ROBO2: variants seen among roughly 807,000 people sequenced by gnomAD.
ROBO2 encodes roundabout homolog 2.
ROBO2 carries 53 observed loss-of-function variants against 160.8 expected under a neutral mutation model. The observed-to-expected ratio is 0.33, with a 90% CI of 0.26 to 0.41. The LOEUF (loss-of-function observed/expected upper bound fraction) is 0.41. ROBO2 is among the 10% of genes least tolerant of loss of function. ROBO2 has a pLI of 1.00. For synonymous variants in ROBO2, 664 were observed against 611.7 expected (o/e 1.09, Z -1.26); for missense variants, 1,577 against 1,722.4 (o/e 0.92, Z 1.49).
At chr3:75,998,294 A>G (rs1370642733) in intron 2 of ROBO2, among the ~76,000 whole-genome samples, 1 of 152,180 alleles carries the variant, frequency 6.6e-6, no homozygotes, top group East Asian at 1.9e-4. Flanking sequence ...CCCTAAAGCA[A>G]TTTTTTATTA....
chr3:76,635,259 C>T (rs1243624507), intron 2 of ROBO2, among the ~76,000 whole-genome samples: 2 of 152,176 alleles, frequency 1.3e-5, no homozygotes, highest in East Asian at 3.8e-4. Flanking sequence ...TCTTCAGCTT[C>T]CCTAATTCTG....
rs548522649 is a variant in ROBO2, at chr3:77,612,118, G to A, written c.3293+4164G>A. On this transcript the variant is annotated intron_variant, in intron 21 of 25. Coordinates refer to ENST00000461745, the Ensembl canonical transcript of ROBO2. Reference sequence around the variant, plus strand: ...AAGACAGATAATATGATGCCTCATAGTTCACTGACAATAAGTCAAAGAACA... The same window carrying A: ...AAGACAGATAATATGATGCCTCATAATTCACTGACAATAAGTCAAAGAACA... 2.6e-5 allele frequency among the ~76,000 whole-genome samples: 4 copies of A among 152,286 alleles called. No homozygotes were observed. The East Asian group carries it at 7.7e-4, about 29-fold the overall frequency.
intron 2 of ROBO2, among the ~76,000 whole-genome samples, chr3:77,363,221 A>G (rs1197897999): frequency 6.6e-6 from 1 of 152,190 alleles, no homozygotes; most frequent in East Asian, 1.9e-4. Flanking sequence ...AACTCAATGG[A>G]AAGATCTACC....
At chr3:76,786,682 C>T (rs575319530) in intron 2 of ROBO2, among the ~76,000 whole-genome samples, 1 of 150,814 alleles carries the variant, frequency 6.6e-6, no homozygotes, top group East Asian at 2.0e-4. Flanking sequence ...CATATCAATG[C>T]CTTAGGCAAC....
intron 2 of ROBO2, among the ~76,000 whole-genome samples, chr3:77,324,736 C>T (rs1441774368): frequency 6.8e-6 from 1 of 146,644 alleles, no homozygotes; most frequent in East Asian, 2.1e-4. Context: ...GAGCCGAGAT[C>T]GCGCCACTGC....
At chr3:76,497,086 A>G (rs115047453) in intron 2 of ROBO2, among the ~76,000 whole-genome samples, 22 of 152,332 alleles carry the variant, frequency 1.4e-4, no homozygotes, top group Non-Finnish European at 2.8e-4. Context: ...TCCAGCCACA[A>G]TGAACATTAT....
chr3:76,361,451 A>G (rs969890462), intron 2 of ROBO2, among the ~76,000 whole-genome samples: 1 of 152,112 alleles, frequency 6.6e-6, no homozygotes, highest in Non-Finnish European at 1.5e-5. Context: ...TAGATGTTGA[A>G]ATTTTCATTA....
At chr3:77,051,458 CTTA>C (rs2149695168) in intron 1 of ROBO2, among the ~76,000 whole-genome samples, 1 of 152,258 alleles carries the variant, frequency 6.6e-6, no homozygotes, top group East Asian at 1.9e-4. Flanking sequence ...GCTGGGAATT[CTTA>C]TTACACTTTC....
intron 2 of ROBO2, among the ~76,000 whole-genome samples, chr3:76,625,697 G>C (rs1343038654): frequency 4.6e-5 from 7 of 152,092 alleles, no homozygotes; most frequent in Admixed American, 4.6e-4. Flanking sequence ...CATGTTTGAG[G>C]GACAGCAAAG....
chr3:77,505,868 T>A (rs1405898410), intron 5 of ROBO2, among the ~76,000 whole-genome samples: 1 of 152,164 alleles, frequency 6.6e-6, no homozygotes, highest in African/African-American at 2.4e-5. Flanking sequence ...GACTACTATA[T>A]ACAGTAATTT....
intron 2 of ROBO2, among the ~76,000 whole-genome samples, chr3:76,025,091 A>G (rs887988078): frequency 8.6e-5 from 13 of 151,460 alleles, no homozygotes; most frequent in African/African-American, 3.1e-4. Context: ...TCTGTAGAAA[A>G]AAATAATAAA....
chr3:76,622,706 C>A (rs2089310248), intron 2 of ROBO2, among the ~76,000 whole-genome samples: 1 of 152,110 alleles, frequency 6.6e-6, no homozygotes, highest in Non-Finnish European at 1.5e-5. Flanking sequence ...GTTCTCTTTC[C>A]AAACCTCTGA....
At chr3:76,983,608 A>C (rs1055674274) in intron 2 of ROBO2, among the ~76,000 whole-genome samples, 3 of 152,226 alleles carry the variant, frequency 2.0e-5, no homozygotes, top group Non-Finnish European at 4.4e-5. Flanking sequence ...TACAAGGACA[A>C]GAATACTGTT....
At chr3:77,447,094 A>G (rs887325389) in intron 2 of ROBO2, among the ~76,000 whole-genome samples, 2 of 152,222 alleles carry the variant, frequency 1.3e-5, no homozygotes, top group Admixed American at 1.3e-4. Context: ...TAAAAGGAAA[A>G]CCTACTTATA....
At chr3:77,288,390 T>C (rs1279103030) in intron 2 of ROBO2, among the ~76,000 whole-genome samples, 1 of 152,226 alleles carries the variant, frequency 6.6e-6, no homozygotes, top group Non-Finnish European at 1.5e-5. Flanking sequence ...AGTTTTTGGA[T>C]AGAAAAGTCT....
chr3:75,928,988 T>TGC, intron 1 of ROBO2, among the ~76,000 whole-genome samples: 1 of 149,290 alleles, frequency 6.7e-6, no homozygotes, highest in Non-Finnish European at 1.5e-5. Flanking sequence ...TACGTGTGTG[T>TGC]GTGTGTGTGT....
At chr3:76,204,442 TCA>T (rs1427826734) in intron 2 of ROBO2, among the ~76,000 whole-genome samples, 1 of 152,286 alleles carries the variant, frequency 6.6e-6, no homozygotes, top group East Asian at 1.9e-4. Context: ...TATGATGGAA[TCA>T]CACATACTAT....
At chr3:76,976,832 A>T (rs2059838687) in intron 2 of ROBO2, among the ~76,000 whole-genome samples, 1 of 152,186 alleles carries the variant, frequency 6.6e-6, no homozygotes, top group Non-Finnish European at 1.5e-5. Flanking sequence ...AAACTATGTG[A>T]TCATCTTGAA....
At chr3:76,746,394 C>G (rs1015765541) in intron 2 of ROBO2, among the ~76,000 whole-genome samples, 6 of 152,034 alleles carry the variant, frequency 3.9e-5, no homozygotes, top group African/African-American at 1.2e-4. Context: ...TTCTAGGTCC[C>G]TGAGGAATCT....
Sources: allele counts gnomAD v4.1 joint callset (sites outside exome capture counted in the v4.1 genomes callset), GRCh38; gene constraint gnomAD v4.1.1; transcripts MANE v1.5; gene names NCBI Gene and HGNC (gene_info 2026-07-23, HGNC 2026-07-21).